Variants in ITGA6 observed in about 807,000 individuals in gnomAD.
ITGA6 encodes the protein integrin alpha-6.
A neutral mutation model predicts 133.6 loss-of-function variants in ITGA6; 63 were observed. That is an observed-to-expected ratio of 0.47 (90% confidence interval 0.38 to 0.58). The LOEUF is 0.58. Among genes scored for constraint, ITGA6 ranks in the 20% least tolerant of loss-of-function variants. ITGA6 has a pLI of 0.00. For synonymous variants in ITGA6, 434 were observed against 482.0 expected, an observed-to-expected ratio of 0.90 and a Z score of 1.30; for missense variants, 1,068 against 1,309.4, an observed-to-expected ratio of 0.82 and a Z score of 2.85.
chr2:172,480,324 T>C (rs1230046274), intron 11 of ITGA6, among the ~76,000 whole-genome samples: 1 of 152,108 alleles, frequency 6.6e-6, no homozygotes, highest in Admixed American at 6.5e-5. Flanking sequence ...ACCACAACCA[T>C]TTCCTCCATT....
chr2:172,466,578 C>T (rs1335406316), intron 2 of ITGA6, among the ~76,000 whole-genome samples: 1 of 152,128 alleles, frequency 6.6e-6, no homozygotes, highest in Non-Finnish European at 1.5e-5. Context: ...CAAAATCGTG[C>T]CACTACACTC....
At position 172,504,154 on chromosome 2, in the gene ITGA6, C is replaced by T. The variant is rs370676535; in HGVS notation, c.*86C>T. The T allele has an allele frequency of 1.1e-5, 17 of 1,596,308 alleles. No homozygotes were observed. The highest frequency in any genetic ancestry group is 2.7e-5 in the African/African-American group (2 of 74,344). ...TCCCCGATACCATGCTGTAAGGATC[C>T]GGAAAGAAGAGCGAGAGATCAAAGA... On this transcript the variant is annotated 3_prime_UTR_variant, in exon 26 of 26. Coordinates refer to ENST00000684293, the MANE Select transcript of ITGA6 (RefSeq NM_000210.4).
At chr2:172,495,810 T>G (rs895803584) in intron 23 of ITGA6, among the ~76,000 whole-genome samples, 2 of 152,234 alleles carry the variant, frequency 1.3e-5, no homozygotes, top group Admixed American at 1.3e-4. Flanking sequence ...AAAATTACTT[T>G]GCTCAGTTGT....
intron 1 of ITGA6, among the ~76,000 whole-genome samples, chr2:172,448,681 G>A (rs1684866520): frequency 6.6e-6 from 1 of 152,324 alleles, no homozygotes; most frequent in African/African-American, 2.4e-5. Flanking sequence ...AGTCAAAAGA[G>A]AGCCTCAGCC....
At chr2:172,498,526 C>T (rs1381415553) in intron 24 of ITGA6, among the ~76,000 whole-genome samples, 2 of 152,162 alleles carry the variant, frequency 1.3e-5, no homozygotes, top group African/African-American at 4.8e-5. Flanking sequence ...GTTATGCTTA[C>T]AGCTAGATTT....
At position 172,487,134 on chromosome 2, in the gene ITGA6, C is replaced by G. The variant is rs766890965; in HGVS notation, c.1966C>G (p.Pro656Ala). Residue 656 changes from proline to alanine, a missense_variant, in exon 14 of 26, where the codon CCA (proline) becomes GCA (alanine). By Grantham distance (27) the Pro-to-Ala change is conservative. This residue lies in a region of ITGA6 where 609 missense variants were observed against 707.2 expected (regional missense o/e 0.86). Transcript: ENST00000684293. ...AAATCAAGACAAATTTTCTTATTTA[C>G]CAATGTAAGAATCGTTGTGTAGCAC... Reference protein sequence around the residue: ...EGNQDKFSYLPIQKGVPELVL... With the variant: ...EGNQDKFSYLAIQKGVPELVL... 2 of 1,583,232 alleles carry G rather than the reference C, an allele frequency of 1.3e-6. No homozygotes were observed. The highest frequency in any genetic ancestry group is 1.7e-6 in the Non-Finnish European group (2 of 1,152,044).
rs181463501 is a variant in ITGA6, at chr2:172,433,694, C to T, written c.182+5724C>T. 2.7e-4 allele frequency among the ~76,000 whole-genome samples: 41 copies of T among 152,338 alleles called. No homozygotes were observed. The East Asian group carries it at 7.7e-3, about 29-fold the overall frequency. ...CCGGCCTGTGCTGTGTATGTGCTTTCTCCTTTTAGGTTTGGTTTTCATCAC... is the reference window on the plus strand; with the variant it reads ...CCGGCCTGTGCTGTGTATGTGCTTTTTCCTTTTAGGTTTGGTTTTCATCAC... On this transcript the variant is annotated intron_variant, in intron 1 of 25. Transcript: ENST00000684293.
At chr2:172,472,923 C>G in intron 5 of ITGA6, 1 of 1,358,468 alleles carries the variant, frequency 7.4e-7, no homozygotes. Context: ...AATAAATTGT[C>G]TTGGTTGTGG....
intron 1 of ITGA6, among the ~76,000 whole-genome samples, chr2:172,440,665 T>A (rs1480260257): frequency 6.6e-6 from 1 of 152,242 alleles, no homozygotes; most frequent in Non-Finnish European, 1.5e-5. Context: ...TAGCTTATTA[T>A]GTGTTTTTCC....
chr2:172,433,966 C>T (rs1684213762), intron 1 of ITGA6, among the ~76,000 whole-genome samples: 1 of 152,168 alleles, frequency 6.6e-6, no homozygotes, highest in African/African-American at 2.4e-5. Context: ...GTTGGGCTTA[C>T]TGCTAAGGAA....
At chr2:172,482,907 GCCACTT>G (rs1406126995) in intron 11 of ITGA6, among the ~76,000 whole-genome samples, 2 of 152,184 alleles carry the variant, frequency 1.3e-5, no homozygotes, top group Non-Finnish European at 2.9e-5. Context: ...ACCAGTTACT[GCCACTT>G]CTGTTCATCT....
chr2:172,482,875 C>T (rs35974368), intron 11 of ITGA6, among the ~76,000 whole-genome samples: 24,708 of 151,488 alleles, frequency 0.16, 2,314 homozygotes, highest in African/African-American at 0.26. Flanking sequence ...CGTGTGTGTG[C>T]GCATGTGTGT....
At chr2:172,456,643 G>A (rs1420345352) in intron 1 of ITGA6, among the ~76,000 whole-genome samples, 12 of 152,166 alleles carry the variant, frequency 7.9e-5, no homozygotes, top group Non-Finnish European at 1.8e-4. Flanking sequence ...GTACAACATA[G>A]CCTGTGTGTG....
chr2:172,470,874 C>T, intron 4 of ITGA6, 100 bp from the exon 5 acceptor site: 4 of 1,255,870 alleles, frequency 3.2e-6, no homozygotes, highest in Admixed American at 4.2e-5. Flanking sequence ...ATTTTTTTTC[C>T]TGTAACTAGT....
At chr2:172,460,369 A>G (rs1288248198) in intron 1 of ITGA6, among the ~76,000 whole-genome samples, 2 of 152,238 alleles carry the variant, frequency 1.3e-5, no homozygotes, top group African/African-American at 4.8e-5. Context: ...TAGGGAATCA[A>G]GATTTCTGTC....
chr2:172,454,115 TCA>T (rs1298909297), intron 1 of ITGA6, among the ~76,000 whole-genome samples: 1 of 149,886 alleles, frequency 6.7e-6, no homozygotes, highest in African/African-American at 2.5e-5. Context: ...AGATGGAGTC[TCA>T]CTCTTGCCCA....
At chr2:172,444,061 A>AC (rs778696644) in intron 1 of ITGA6, among the ~76,000 whole-genome samples, 10 of 152,226 alleles carry the variant, frequency 6.6e-5, no homozygotes, top group Non-Finnish European at 1.3e-4. Flanking sequence ...GGAGTGAGCC[A>AC]CCATGCCTGG....
chr2:172,498,504 C>T (rs1687221525), intron 24 of ITGA6, among the ~76,000 whole-genome samples: 1 of 152,102 alleles, frequency 6.6e-6, no homozygotes, highest in African/African-American at 2.4e-5. Context: ...TTCATAGCAG[C>T]CATTGGTGTT....
chr2:172,474,603 T>C (rs1375160611), intron 6 of ITGA6, among the ~76,000 whole-genome samples: 4 of 152,188 alleles, frequency 2.6e-5, no homozygotes, highest in African/African-American at 9.7e-5. Context: ...TCAGCTCCCG[T>C]TGAAAACAGG....
Sources: gnomAD v4.1 joint callset for allele counts (sites outside exome capture counted in the v4.1 genomes callset) on GRCh38, gnomAD v4.1.1 for gene constraint, gnomAD v4.1.1 regional missense constraint, MANE v1.5 for transcripts, NCBI Gene and HGNC (gene_info 2026-07-23, HGNC 2026-07-21) for gene names.